USP7: variants seen among roughly 807,000 people sequenced by gnomAD.
The protein encoded by USP7 is ubiquitin C-terminal hydrolase 7.
In USP7, 9 loss-of-function variants were observed where a neutral mutation model predicts 162.9. The ratio of observed to expected loss-of-function variants is 0.06; its 90% CI spans 0.03 to 0.10. The LOEUF is 0.10. Among genes scored for constraint, USP7 ranks in the 10% least tolerant of loss-of-function variants. USP7 has a pLI of 1.00. For missense variants in USP7, 715 were observed against 1,373.7 expected, an observed-to-expected ratio of 0.52 and a Z score of 7.58; for synonymous variants, 562 against 475.9, an observed-to-expected ratio of 1.18 and a Z score of -2.35.
chr16:8,901,685 G>T (rs903033116), intron 18 of USP7, among the ~76,000 whole-genome samples: 2 of 152,208 alleles, frequency 1.3e-5, no homozygotes, highest in African/African-American at 4.8e-5. Flanking sequence ...TGTACTGGAA[G>T]ACAGCCAGCT....
chr16:8,897,948 A>G (rs2061715528), intron 25 of USP7, among the ~76,000 whole-genome samples: 1 of 151,412 alleles, frequency 6.6e-6, no homozygotes, highest in African/African-American at 2.4e-5. Flanking sequence ...GTTTGGAGCA[A>G]GCAGGTGACA....
intron 10 of USP7, 107 bp from the exon 11 acceptor site, chr16:8,910,934 T>A: frequency 2.3e-6 from 2 of 887,014 alleles, no homozygotes; most frequent in South Asian, 1.5e-5. Context: ...GCAGAGAAGG[T>A]AAACAACACT....
Position 8,919,159 on chromosome 16 carries a change from T to C in USP7, c.612-20A>G, listed in dbSNP as rs1278640477. ...TCCCACCTGAAAGATCAGTTCAAGG[T>C]TGAGGGGATCTTGCAGATACCCCAT... On this transcript the variant is annotated intron_variant, in intron 5 of 30. Transcript: ENST00000344836. 5 of 1,613,072 alleles carry C rather than the reference T, an allele frequency of 3.1e-6. No homozygotes were observed. Among genetic ancestry groups the C allele is most frequent in the South Asian group, 1.1e-5 (1 of 91,058 alleles).
chr16:8,920,519 T>C, intron 4 of USP7, 72 bp from the exon 5 acceptor site: 1 of 1,262,598 alleles, frequency 7.9e-7, no homozygotes, highest in South Asian at 1.3e-5. Context: ...CAAATTACAT[T>C]AGTGCCCTGT....
At chr16:8,917,719 T>C (rs1356323192) in intron 6 of USP7, among the ~76,000 whole-genome samples, 1 of 152,032 alleles carries the variant, frequency 6.6e-6, no homozygotes, top group African/African-American at 2.4e-5. Flanking sequence ...ACAGAAAAAG[T>C]AAACAAAAAA....
At chr16:8,897,242 C>G (rs531616722) in intron 25 of USP7, 143 bp from the exon 26 acceptor site, 2 of 649,124 alleles carry the variant, frequency 3.1e-6, no homozygotes, top group South Asian at 1.8e-5. Context: ...CCCACCCCAA[C>G]TCCCTCATCT....
intron 10 of USP7, 23 bp from the exon 11 acceptor site, chr16:8,910,850 G>A: frequency 1.3e-6 from 2 of 1,589,442 alleles, no homozygotes; most frequent in Non-Finnish European, 8.6e-7. Context: ...AGAGAGAAAA[G>A]TCAAGTGCTA....
chr16:8,898,252 G>C (rs982835598), intron 25 of USP7, 108 bp downstream of exon 25: 4 of 963,046 alleles, frequency 4.2e-6, no homozygotes, highest in Non-Finnish European at 4.7e-6. Context: ...ATGTGCTGTT[G>C]TTTAGAGTGT....
chr16:8,952,434 G>A lies in USP7; in HGVS notation c.79+10773C>T, dbSNP rs551195546. Among the ~76,000 whole-genome samples the A allele has an allele frequency of 7.2e-5, 11 of 152,206 alleles. No homozygotes were observed. In the South Asian group the frequency reaches 1.9e-3, roughly 26 times the overall value. ...TCAGAAGTCTGAAATGGGTCTCACC[G>A]GGCTAAAACCAAGGTGCCAGCAGGG... is the stretch of plus-strand genomic sequence containing the variant. On this transcript the variant is annotated intron_variant, in intron 1 of 30. Coordinates refer to ENST00000344836, the MANE Select transcript of USP7 (RefSeq NM_003470.3).
intron 1 of USP7, among the ~76,000 whole-genome samples, chr16:8,959,082 T>G (rs1281975291): frequency 6.6e-6 from 1 of 152,204 alleles, no homozygotes; most frequent in Non-Finnish European, 1.5e-5. Context: ...GAACATCTCC[T>G]ATGCTCCAAA....
Position 8,963,215 on chromosome 16 carries a change from T to A in USP7, c.71A>T (p.Glu24Val), listed in dbSNP as rs1045125836. The A allele has an allele frequency of 7.8e-6, 11 of 1,413,940 alleles. No homozygotes were observed. Among genetic ancestry groups the A allele is most frequent in the Non-Finnish European group, 1.0e-5 (11 of 1,074,770 alleles). 87.6% of individuals were successfully genotyped at this position (1,413,940 alleles called of 1,614,324 possible). The change falls in exon 1 of 31, where the codon GAG becomes GTG. Residue 24 changes from glutamate (E) to valine (V), a missense_variant. Physicochemically the swap from Glu to Val is moderately radical, Grantham distance 121. This residue lies in a region of USP7 where 137 missense variants were observed against 123.5 expected (regional missense o/e 1.11). Coordinates refer to ENST00000344836, the MANE Select transcript of USP7 (RefSeq NM_003470.3). ...EQQLSEPEDM[E>V]MEAGDTDDPP... Reference sequence around the variant, plus strand: ...CGGCCCTCGGGCCTCACCTTCCATCTCCATGTCCTCGGGCTCGCTCAACTG... The same window carrying A: ...CGGCCCTCGGGCCTCACCTTCCATCACCATGTCCTCGGGCTCGCTCAACTG...
chr16:8,958,118 A>G (rs753348588), intron 1 of USP7, among the ~76,000 whole-genome samples: 7 of 152,212 alleles, frequency 4.6e-5, no homozygotes, highest in Non-Finnish European at 1.0e-4. Flanking sequence ...GGAAACTGAG[A>G]TGGTCACCTT....
At chr16:8,919,740 C>A (rs1897581016) in intron 5 of USP7, among the ~76,000 whole-genome samples, 1 of 142,830 alleles carries the variant, frequency 7.0e-6, no homozygotes, top group Non-Finnish European at 1.5e-5. Flanking sequence ...GCAAAGCAAT[C>A]CTCCCACCTC....
intron 2 of USP7, among the ~76,000 whole-genome samples, chr16:8,927,328 AAAAG>A (rs1010549077): frequency 3.9e-5 from 6 of 152,244 alleles, no homozygotes; most frequent in Admixed American, 1.3e-4. Context: ...AAGAAAAAAA[AAAAG>A]AAAGAAAGTT....
intron 1 of USP7, among the ~76,000 whole-genome samples, chr16:8,948,421 G>T (rs865897120): frequency 2.0e-5 from 3 of 152,154 alleles, no homozygotes; most frequent in Non-Finnish European, 4.4e-5. Context: ...CTGGGCTCAA[G>T]CTATCCACCG....
At chr16:8,923,486 G>C (rs1300628272) in intron 2 of USP7, 73 bp from the exon 3 acceptor site, 40 of 1,510,030 alleles carry the variant, frequency 2.6e-5, no homozygotes, top group Non-Finnish European at 3.5e-5. Flanking sequence ...TCGACATGGA[G>C]TAAACTGTTC....
At chr16:8,894,469 G>C (rs1596345907) in intron 30 of USP7, 81 bp downstream of exon 30, 3 of 1,437,776 alleles carry the variant, frequency 2.1e-6, no homozygotes, top group Admixed American at 4.4e-5. Flanking sequence ...ACTTGACCCT[G>C]GGGCTGCCCC....
chr16:8,934,016 CA>C (rs1480422677), intron 1 of USP7, among the ~76,000 whole-genome samples: 1 of 152,146 alleles, frequency 6.6e-6, no homozygotes. Context: ...CTTGGCCTCC[CA>C]AAAGTGCTGA....
chr16:8,896,926 A>G, intron 26 of USP7, 73 bp downstream of exon 26: 1 of 1,156,064 alleles, frequency 8.7e-7, no homozygotes, highest in Non-Finnish European at 1.3e-6. Context: ...ATTTCCACCA[A>G]CGCAACTGCA....
Sources: allele counts gnomAD v4.1 joint callset (sites outside exome capture counted in the v4.1 genomes callset), GRCh38; gene constraint gnomAD v4.1.1; regional missense constraint gnomAD v4.1.1; transcripts MANE v1.5; gene names NCBI Gene and HGNC (gene_info 2026-07-23, HGNC 2026-07-21).